MAPK10: variants seen among roughly 807,000 people sequenced by gnomAD.
MAPK10 encodes the protein mitogen-activated protein kinase 10, also known as JNK3 alpha protein kinase.
Under a neutral mutation model 59.3 loss-of-function variants are expected in MAPK10, and 25 were observed. The observed-to-expected ratio is 0.42, with a 90% CI of 0.31 to 0.59. MAPK10 has a LOEUF of 0.59. MAPK10 is among the 20% of genes least tolerant of loss of function. MAPK10 has a pLI of 0.15. For synonymous variants in MAPK10, 190 were observed against 200.5 expected (o/e 0.95, Z 0.44); for missense variants, 351 against 568.9 (o/e 0.62, Z 3.90).
chr4:86,114,825 C>T (rs2058066831), intron 4 of MAPK10, among the ~76,000 whole-genome samples: 1 of 152,226 alleles, frequency 6.6e-6, no homozygotes, highest in Non-Finnish European at 1.5e-5. Context: ...GGGGCTCCTT[C>T]CCAGGGATAT....
intron 4 of MAPK10, among the ~76,000 whole-genome samples, chr4:86,158,096 T>C (rs2068393250): frequency 6.6e-6 from 1 of 152,022 alleles, no homozygotes; most frequent in Non-Finnish European, 1.5e-5. Context: ...ATCTTTACTA[T>C]ACCATGTGCA....
intron 1 of MAPK10, among the ~76,000 whole-genome samples, chr4:86,406,891 A>G (rs1744433610): frequency 6.6e-6 from 1 of 152,196 alleles, no homozygotes. Flanking sequence ...GTAGTTAACA[A>G]CACATTTTCA....
chr4:86,267,220 T>C (rs769613100), intron 2 of MAPK10, among the ~76,000 whole-genome samples: 1 of 152,250 alleles, frequency 6.6e-6, no homozygotes, highest in Non-Finnish European at 1.5e-5. Flanking sequence ...ATATTTCCAT[T>C]TGATTATGGA....
chr4:86,457,765 A>C (rs530140736), upstream of MAPK10, among the ~76,000 whole-genome samples: 1 of 152,176 alleles, frequency 6.6e-6, no homozygotes, highest in African/African-American at 2.4e-5. Context: ...TGCAATTCAC[A>C]TCAAAATACC....
At chr4:86,281,506 A>AAAAATAAAAT (rs141438558) in intron 2 of MAPK10, among the ~76,000 whole-genome samples, 1,785 of 148,602 alleles carry the variant, frequency 0.012, 31 homozygotes, top group African/African-American at 0.037. Context: ...CCTCAAAATA[A>AAAAATAAAAT]AAAATAAAAT....
intron 1 of MAPK10, among the ~76,000 whole-genome samples, chr4:86,398,891 G>C (rs1483634482): frequency 6.6e-6 from 1 of 152,102 alleles, no homozygotes; most frequent in African/African-American, 2.4e-5. Flanking sequence ...AATTCACTTA[G>C]GATAATGGCC....
At chr4:86,077,440 C>A (rs189357802) in intron 9 of MAPK10, among the ~76,000 whole-genome samples, 199 of 152,172 alleles carry the variant, frequency 1.3e-3, no homozygotes, top group Admixed American at 4.4e-3. Context: ...TCCTTTTCTG[C>A]GTATTGTGGG....
intron 1 of MAPK10, among the ~76,000 whole-genome samples, chr4:86,394,342 A>G (rs1410894896): frequency 6.6e-6 from 1 of 152,134 alleles, no homozygotes; most frequent in Non-Finnish European, 1.5e-5. Context: ...AAATAAAAAT[A>G]TGTCATACTT....
chr4:86,581,806 T>C (rs1762290902), intron 1 of MAPK10, among the ~76,000 whole-genome samples: 1 of 148,630 alleles, frequency 6.7e-6, no homozygotes, highest in Non-Finnish European at 1.5e-5. Flanking sequence ...ACATTATTAA[T>C]TGGACACACC....
intron 2 of MAPK10, among the ~76,000 whole-genome samples, chr4:86,275,563 C>T (rs1434697372): frequency 6.6e-6 from 1 of 151,938 alleles, no homozygotes; most frequent in African/African-American, 2.4e-5. Context: ...CTGCCCCAGC[C>T]TAAAGATCCT....
At chr4:86,312,864 C>A (rs930801418) in intron 2 of MAPK10, among the ~76,000 whole-genome samples, 12 of 152,056 alleles carry the variant, frequency 7.9e-5, no homozygotes, top group African/African-American at 2.9e-4. Context: ...ACAGCAATTT[C>A]CTGGCATTAG....
At chr4:86,173,038 C>T (rs1048138029) in intron 3 of MAPK10, among the ~76,000 whole-genome samples, 11 of 152,016 alleles carry the variant, frequency 7.2e-5, no homozygotes, top group African/African-American at 2.4e-4. Context: ...AATGGCCATA[C>T]TGCCCAAAGT....
chr4:86,331,406 T>G (rs949454330), intron 2 of MAPK10, among the ~76,000 whole-genome samples: 2 of 152,188 alleles, frequency 1.3e-5, no homozygotes, highest in African/African-American at 4.8e-5. Flanking sequence ...TACAGGAAAT[T>G]TCTCAAACAT....
chr4:86,176,003 A>G (rs1277091553), intron 3 of MAPK10: 1 of 152,224 alleles, frequency 6.6e-6, no homozygotes, highest in African/African-American at 2.4e-5. Flanking sequence ...GATGAACAAA[A>G]GAGGAATTGA....
upstream of MAPK10, chr4:86,458,113 C>G (rs1302564178): frequency 6.6e-6 from 1 of 152,152 alleles, no homozygotes; most frequent in Non-Finnish European, 1.5e-5. Context: ...GCCTGGCCAA[C>G]ATGGTGAAAC....
At chr4:86,315,638 G>A (rs1007864803) in intron 2 of MAPK10, among the ~76,000 whole-genome samples, 2 of 152,050 alleles carry the variant, frequency 1.3e-5, no homozygotes, top group African/African-American at 4.8e-5. Context: ...TTATGATGTA[G>A]TATATTGTCA....
At position 86,414,465 on chromosome 4, in the gene MAPK10, G is replaced by A. The variant is rs149952357; in HGVS notation, c.-122+38565C>T. On this transcript the variant is annotated intron_variant, in intron 1 of 13. Transcript: ENST00000361569. ...CAATCTCTACTTTTCAAAAGTGTGT[G>A]ATAGCTAGAATTGTTACCACTTTAT... 4.6e-5 allele frequency among the ~76,000 whole-genome samples: 7 copies of A among 152,298 alleles called. No individual in the cohort carries two copies. The East Asian group carries it at 1.4e-3, about 29-fold the overall frequency.
chr4:86,225,672 C>T (rs190373724), intron 2 of MAPK10, among the ~76,000 whole-genome samples: 11 of 152,250 alleles, frequency 7.2e-5, no homozygotes, highest in East Asian at 3.9e-4. Context: ...GGTAACATAA[C>T]GAGAGAGTGA....
intron 1 of MAPK10, among the ~76,000 whole-genome samples, chr4:86,405,867 A>C (rs1744298603): frequency 1.3e-5 from 2 of 152,208 alleles, no homozygotes; most frequent in Non-Finnish European, 2.9e-5. Flanking sequence ...AAGTGTTGGA[A>C]TCCATCATCT....
Sources: allele counts gnomAD v4.1 joint callset (sites outside exome capture counted in the v4.1 genomes callset), GRCh38; gene constraint gnomAD v4.1.1; transcripts MANE v1.5; gene names NCBI Gene and HGNC (gene_info 2026-07-23, HGNC 2026-07-21).